The following TXNIP variants were observed in gnomAD, a reference collection of about 807,000 sequenced individuals.
TXNIP encodes the protein thioredoxin-interacting protein.
TXNIP carries 23 observed loss-of-function variants against 43.9 expected under a neutral mutation model. The observed-to-expected ratio is 0.52, with a 90% CI of 0.38 to 0.74. TXNIP has a LOEUF of 0.74. TXNIP is among the 30% of genes least tolerant of loss of function. The probability of loss-of-function intolerance (pLI) is 0.00; values close to 1 mark genes in which losing one functional copy is unlikely to be tolerated. For synonymous variants in TXNIP, 234 were observed against 172.2 expected (o/e 1.36, Z -2.81); for missense variants, 555 against 485.4 (o/e 1.14, Z -1.35).
At chr1:145,993,919 T>G (rs1559265008) in intron 7 of TXNIP, 33 bp from the exon 8 acceptor site, 1 of 1,614,060 alleles carries the variant, frequency 6.2e-7, no homozygotes, top group East Asian at 2.2e-5. Flanking sequence ...TCAGTTCAGG[T>G]AAGAACAAAA....
In TXNIP at chr1:145,996,457, TA is replaced by T. The variant is rs782260647; in HGVS notation, c.-192del. ...ACTACTAGGTTTTCGAAAAGGCGCC[TA>T]AAAAATATACGCCGCTGGTTACACT... On this transcript the variant is annotated 5_prime_UTR_variant, in exon 1 of 8. Coordinates refer to ENST00000582401, the MANE Select transcript of TXNIP (RefSeq NM_006472.6). 1.2e-5 allele frequency: 7 copies of T among 602,896 alleles called. No homozygotes were observed. In the East Asian group the frequency reaches 1.6e-4, roughly 14 times the overall value. 37.3% of individuals were successfully genotyped at this position (602,896 alleles called of 1,614,324 possible).
Position 145,994,622 on chromosome 1 carries a change from A to C in TXNIP, c.753T>G (p.Arg251=). 6.2e-7 allele frequency: 1 copy of C among 1,614,190 alleles called. No homozygotes were observed. Among genetic ancestry groups the C allele is most frequent in the Non-Finnish European group, 8.5e-7 (1 of 1,180,024 alleles). ...TCTTCTGAACCCGAAGGCTCTTGCC[A>C]CGCCATGATGCGCATGTCCCTGAGA... ...HIISGTCASW[R]GKSLRVQKIR... Residue 251 remains arginine (R), a synonymous_variant, in exon 5 of 8, where the codon CGT becomes CGG. Coordinates refer to ENST00000582401, the MANE Select transcript of TXNIP (RefSeq NM_006472.6).
rs145686719 is a variant in TXNIP, at chr1:145,995,944, C to A, written c.250+73G>T. ...TCAAACTGAGCAACTTAAAACATTTCGTACAGGTTTTGTGTATTCAATTCT... is the reference window on the plus strand; with the variant it reads ...TCAAACTGAGCAACTTAAAACATTTAGTACAGGTTTTGTGTATTCAATTCT... On this transcript the variant is annotated intron_variant, in intron 1 of 7. Coordinates refer to ENST00000582401, the MANE Select transcript of TXNIP (RefSeq NM_006472.6). 5.2e-6 allele frequency: 8 copies of A among 1,551,838 alleles called. No homozygotes were observed. The African/African-American group carries it at 1.1e-4, about 21-fold the overall frequency.
intron 7 of TXNIP, 33 bp downstream of exon 7, chr1:145,993,983 G>A: frequency 6.2e-7 from 1 of 1,613,928 alleles, no homozygotes; most frequent in Non-Finnish European, 8.5e-7. Context: ...GAAAGCTTAG[G>A]ACAAATTTAA....
rs1405664156 is a variant in TXNIP, at chr1:145,993,790, T to TG, written c.*60dup. The TG allele has an allele frequency of 1.7e-5, 27 of 1,593,658 alleles. 2 individuals are homozygous for TG. In the African/African-American group the frequency reaches 1.7e-4, roughly 10 times the overall value. ...ACTGTTGAGTCTCTGAAAAAGTGAG[T>TG]GTCCAGGAAGAGAGACAAAAAGAAA... On this transcript the variant is annotated 3_prime_UTR_variant, in exon 8 of 8. Transcript: ENST00000582401.
chr1:145,994,764 G>A lies in TXNIP; in HGVS notation c.611C>T (p.Thr204Ile), dbSNP rs1651383566. 4 of 1,614,196 alleles carry A rather than the reference G, an allele frequency of 2.5e-6. No homozygotes were observed. The highest frequency in any genetic ancestry group is 3.4e-6 in the Non-Finnish European group (4 of 1,180,032). The change falls in exon 5 of 8, where the codon ACA becomes ATA. Residue 204 changes from threonine to isoleucine, a missense_variant. Physicochemically the swap from Thr to Ile is moderately conservative, Grantham distance 89. Coordinates refer to ENST00000582401, the MANE Select transcript of TXNIP (RefSeq NM_006472.6). ...TTTGGGGACCACAATTCGGGAACAT[G>A]TATTCTCAAAGTCAGCATGGATGGA... ...EISIHADFEN[T>I]CSRIVVPKAA...
chr1:145,994,294 A>G lies in TXNIP; in HGVS notation c.975T>C (p.Pro325=), dbSNP rs782077621. The G allele has an allele frequency of 6.2e-7, 1 of 1,614,094 alleles. No individual in the cohort carries two copies. The highest frequency in any genetic ancestry group is 2.2e-5 in the East Asian group (1 of 44,880). Residue 325 remains proline, a synonymous_variant, in exon 6 of 8, where the codon CCT becomes CCC. Transcript: ENST00000582401. The part of the protein sequence containing the change: ...SEMSWVDLNI[P]DTPEAPPCYM... ...GGTCTGGCTCACCTTCTGGGGTATC[A>G]GGGATGTTCAGATCTACCCAACTCA...
intron 1 of TXNIP, 96 bp from the exon 2 acceptor site, chr1:145,995,572 G>C: frequency 9.4e-7 from 1 of 1,069,382 alleles, no homozygotes; most frequent in Non-Finnish European, 1.5e-6. Flanking sequence ...GCAAGGTATT[G>C]AAGTACCCCC....
rs781803094 is a variant in TXNIP, at chr1:145,995,154, G to A, written c.461C>T (p.Pro154Leu). The A allele has an allele frequency of 6.2e-6, 10 of 1,614,018 alleles. No individual in the cohort carries two copies. The African/African-American group carries it at 6.7e-5, about 11-fold the overall frequency. The change falls in exon 3 of 8, where the codon CCT (proline) becomes CTT (leucine). Residue 154 changes from proline to leucine, a missense_variant. Coordinates refer to ENST00000582401, the MANE Select transcript of TXNIP (RefSeq NM_006472.6). ...TAAAATGGATCTCACCATTAAATCA[G>A]GGGTATTGACATCCACCAGATCCAC... ...EVVDLVDVNT[P>L]DLMAPVSAKK...
Position 145,994,369 on chromosome 1 carries a change from T to G in TXNIP, c.900A>C (p.Ser300=), listed in dbSNP as rs1218105346. ...TGCTGGATGTTCTGCTGCTTAGACC[T>G]GATCTGCTGCCAATTACCAGGGGCA... ...LDLPLVIGSR[S]GLSSRTSSMA... Residue 300 remains serine (S), a synonymous_variant, in exon 6 of 8, where the codon TCA becomes TCC. Transcript: ENST00000582401. 5 of 1,614,112 alleles carry G rather than the reference T, an allele frequency of 3.1e-6. No individual in the cohort carries two copies. The highest frequency in any genetic ancestry group is 4.2e-6 in the Non-Finnish European group (5 of 1,180,044).
rs782289358 is a variant in TXNIP at position 145,994,910 on chromosome 1, A to C, written c.574+19T>G. 1.2e-6 allele frequency: 2 copies of C among 1,614,176 alleles called. No homozygotes were observed. Among genetic ancestry groups the C allele is most frequent in the South Asian group, 2.2e-5 (2 of 91,092 alleles). ...AAACCCAGTTCCTGTTTTAACTGCC[A>C]TAAGCACTAGGATTTTACCTTCACA... On this transcript the variant is annotated intron_variant, in intron 4 of 7. Coordinates refer to ENST00000582401, the MANE Select transcript of TXNIP (RefSeq NM_006472.6).
Position 145,994,685 on chromosome 1 carries a change from C to T in TXNIP, c.690G>A (p.Leu230=), listed in dbSNP as rs143751788. The change falls in exon 5 of 8, where the codon CTG becomes CTA. Residue 230 remains leucine, a synonymous_variant. Coordinates refer to ENST00000582401, the MANE Select transcript of TXNIP (RefSeq NM_006472.6). The part of the protein sequence containing the change: ...TYLANGQTKV[L]TQKLSSVRGN... ...CTCTGACTGATGACAACTTCTGAGT[C>T]AGCACCTTGGTCTGGCCATTGGCAA... 1.2e-6 allele frequency: 2 copies of T among 1,614,226 alleles called. No individual in the cohort carries two copies. Among genetic ancestry groups the T allele is most frequent in the South Asian group, 2.2e-5 (2 of 91,078 alleles).
Position 145,993,676 on chromosome 1 carries a change from G to C in TXNIP, c.*175C>G, listed in dbSNP as rs782151618. 8 of 658,982 alleles carry C rather than the reference G, an allele frequency of 1.2e-5. No homozygotes were observed. Among genetic ancestry groups the C allele is most frequent in the Non-Finnish European group, 2.0e-5 (8 of 391,558 alleles). 40.8% of individuals were successfully genotyped at this position (658,982 alleles called of 1,614,324 possible). A position where few individuals can be genotyped will look rare whatever the true frequency, so the allele number is the denominator to read the frequency against. ...ATGGGCGCTGGCTGAGGATGAGTCC[G>C]CATCCTTTAAGGCCCAGGAGATTGC... On this transcript the variant is annotated 3_prime_UTR_variant, in exon 8 of 8. Coordinates refer to ENST00000582401, the MANE Select transcript of TXNIP (RefSeq NM_006472.6).
chr1:145,995,005 C>T lies in TXNIP; in HGVS notation c.498G>A (p.Lys166=). 6.2e-7 allele frequency: 1 copy of T among 1,614,062 alleles called. No homozygotes were observed. The highest frequency in any genetic ancestry group is 1.1e-5 in the South Asian group (1 of 91,086). The change falls in exon 4 of 8, where the codon AAG becomes AAA. Residue 166 remains lysine, a synonymous_variant. Transcript: ENST00000582401. The part of the protein sequence containing the change: ...LMAPVSAKKE[K]KVSCMFIPDG... ...CAGGAATGAACATGCAGGAAACTTT[C>T]TTTTCTTTTTTAGCAGACACAGGTG...
rs1651499345 is a variant in TXNIP at position 145,996,009 on chromosome 1, CCG to C, written c.250+6_250+7del. ...TTTCACCCTCCAACAATGAATTGGGCCGCTTACCTGTTGGCTGGTCTTCCAGA... is the reference window on the plus strand; with the variant it reads ...TTTCACCCTCCAACAATGAATTGGGCCTTACCTGTTGGCTGGTCTTCCAGA... On this transcript the variant is annotated splice_donor_region_variant and intron_variant, in intron 1 of 7. Coordinates refer to ENST00000582401, the MANE Select transcript of TXNIP (RefSeq NM_006472.6). 2 of 1,612,220 alleles carry C rather than the reference CCG, an allele frequency of 1.2e-6. No homozygotes were observed. Among genetic ancestry groups the C allele is most frequent in the African/African-American group, 2.7e-5 (2 of 74,880 alleles).
chr1:145,994,493 G>A, intron 5 of TXNIP, 51 bp downstream of exon 5: 1 of 1,613,254 alleles, frequency 6.2e-7, no homozygotes, highest in South Asian at 1.1e-5. Context: ...CAAGACAGCT[G>A]TGGTAACAGA....
Position 145,994,331 on chromosome 1 carries a change from G to A in TXNIP, c.938C>T (p.Thr313Ile), listed in dbSNP as rs1553765986. 4 of 1,614,204 alleles carry A rather than the reference G, an allele frequency of 2.5e-6. No homozygotes were observed. The highest frequency in any genetic ancestry group is 3.4e-6 in the Non-Finnish European group (4 of 1,180,034). ...SSRTSSMASR[T>I]SSEMSWVDLN... ...ATCTACCCAACTCATCTCAGAGCTG[G>A]TTCGGCTGGCCATGCTGGATGTTCT... Residue 313 changes from threonine (T) to isoleucine (I), a missense_variant, in exon 6 of 8, where the codon ACC (threonine) becomes ATC (isoleucine). Transcript: ENST00000582401.
At position 145,994,099 on chromosome 1, in the gene TXNIP, C is replaced by T. The variant is rs782110580; in HGVS notation, c.1057G>A (p.Asp353Asn). ...RLESPTTPLLDDMDGSQDSPI... is the reference protein window; with the variant it reads ...RLESPTTPLLNDMDGSQDSPI... ...CTGTCTTGAGAGCCATCCATGTCAT[C>T]TAGCAGAGGAGTGGTTGGGCTCTCC... is the stretch of plus-strand genomic sequence containing the variant. Residue 353 changes from aspartate to asparagine, a missense_variant, in exon 7 of 8, where the codon GAT becomes AAT. Asp to Asn is a conservative substitution (Grantham distance 23). Transcript: ENST00000582401. 18 of 1,614,060 alleles carry T rather than the reference C, an allele frequency of 1.1e-5. No homozygotes were observed. The highest frequency in any genetic ancestry group is 1.7e-5 in the Admixed American group (1 of 60,006).
At position 145,994,020 on chromosome 1, in the gene TXNIP, G is replaced by A. The variant is rs782165505; in HGVS notation, c.1136C>T (p.Thr379Ile). The A allele has an allele frequency of 1.9e-6, 3 of 1,614,166 alleles. No individual in the cohort carries two copies. The highest frequency in any genetic ancestry group is 2.5e-6 in the Non-Finnish European group (3 of 1,180,002). The change falls in exon 7 of 8, where the codon ACT becomes ATT. Residue 379 changes from threonine to isoleucine, a missense_variant. Physicochemically the swap from Thr to Ile is moderately conservative, Grantham distance 89. Coordinates refer to ENST00000582401, the MANE Select transcript of TXNIP (RefSeq NM_006472.6). Reference protein sequence around the residue: ...EFKFMPPPTYTEVDPCILNNN... With the variant: ...EFKFMPPPTYIEVDPCILNNN... ...AGTAAAGATGACAATCCTCACCTCA[G>A]TATAAGTCGGTGGTGGCATGAACTT... is the stretch of plus-strand genomic sequence containing the variant.
Sources: allele counts gnomAD v4.1 joint callset, GRCh38; gene constraint gnomAD v4.1.1; transcripts MANE v1.5; gene names NCBI Gene and HGNC (gene_info 2026-07-23, HGNC 2026-07-21).